Variants in KIF11 observed in about 807,000 individuals in gnomAD.
The protein encoded by KIF11 is kinesin-like protein KIF11.
Under a neutral mutation model 121.0 loss-of-function variants are expected in KIF11, and 9 were observed. That is an observed-to-expected ratio of 0.07 (90% CI 0.04 to 0.13). KIF11 has a LOEUF of 0.13. Ranked by LOEUF, KIF11 falls within the 10% of genes least tolerant of loss-of-function variation. The pLI, the probability that KIF11 is intolerant of heterozygous loss-of-function variation, is 1.00. For synonymous variants in KIF11, 408 were observed against 421.0 expected (o/e 0.97, Z 0.38); for missense variants, 846 against 1,217.5 (o/e 0.69, Z 4.54).
intron 14 of KIF11, among the ~76,000 whole-genome samples, chr10:92,634,282 C>T (rs1166593878): frequency 6.6e-6 from 1 of 150,970 alleles, no homozygotes. Context: ...CGTGCCCAGC[C>T]AGCCTCTCCT....
At chr10:92,650,053 G>A in intron 20 of KIF11, 67 bp downstream of exon 20, 1 of 1,244,660 alleles carries the variant, frequency 8.0e-7, no homozygotes, top group Non-Finnish European at 1.1e-6. Flanking sequence ...CTGACTTCAT[G>A]TGAAGAATTT....
At chr10:92,620,713 T>G (rs1319258043) in intron 9 of KIF11, among the ~76,000 whole-genome samples, 6 of 152,178 alleles carry the variant, frequency 3.9e-5, no homozygotes, top group African/African-American at 1.4e-4. Flanking sequence ...GACGAGCAAG[T>G]CACATCTTAC....
chr10:92,614,298 T>C (rs1311144731), intron 8 of KIF11, among the ~76,000 whole-genome samples: 2 of 152,068 alleles, frequency 1.3e-5, no homozygotes, highest in Non-Finnish European at 2.9e-5. Context: ...GGTTTCACCT[T>C]GTTGGCCAGG....
rs937813943 is a variant in KIF11 at position 92,595,610 on chromosome 10, T to G, written c.77+2158T>G. Among the ~76,000 whole-genome samples, 4 of 152,314 alleles carry G rather than the reference T, an allele frequency of 2.6e-5. No individual in the cohort carries two copies. The East Asian group carries it at 5.8e-4, about 22-fold the overall frequency. ...ATAAAATTTAACATCTTAACCACTT[T>G]TAAGTGTACAGTTCAGTGATATTAA... On this transcript the variant is annotated intron_variant, in intron 1 of 21. Transcript: ENST00000260731.
chr10:92,651,511 T>TTTTG (rs1564719267), intron 21 of KIF11, among the ~76,000 whole-genome samples: 1 of 39,322 alleles, frequency 2.5e-5, no homozygotes, highest in Non-Finnish European at 4.4e-5. Context: ...AATTTTGTTT[T>TTTTG]TTTTTTTTTT....
At chr10:92,616,665 A>G in intron 8 of KIF11, 72 bp from the exon 9 acceptor site, 1 of 754,370 alleles carries the variant, frequency 1.3e-6, no homozygotes, top group Admixed American at 2.4e-5. Context: ...TTATTATATA[A>G]CATATTTTAG....
intron 9 of KIF11, 85 bp from the exon 10 acceptor site, chr10:92,621,300 A>G: frequency 1.4e-6 from 1 of 702,718 alleles, no homozygotes; most frequent in Non-Finnish European, 2.4e-6. Context: ...AAAAAGGCTA[A>G]CTTTACATTT....
intron 17 of KIF11, among the ~76,000 whole-genome samples, chr10:92,642,536 A>G (rs995789385): frequency 1.3e-5 from 2 of 152,194 alleles, no homozygotes; most frequent in African/African-American, 4.8e-5. Context: ...TCTATCAGTG[A>G]CTTAGAGAGG....
intron 1 of KIF11, 105 bp downstream of exon 1, chr10:92,593,557 A>T: frequency 2.1e-6 from 2 of 950,876 alleles, no homozygotes; most frequent in South Asian, 3.3e-5. Flanking sequence ...TGAGGGTCCC[A>T]GTTTCTTGGT....
intron 4 of KIF11, 37 bp from the exon 5 acceptor site, chr10:92,608,983 C>T: frequency 1.7e-6 from 2 of 1,185,770 alleles, no homozygotes; most frequent in Non-Finnish European, 2.3e-6. Flanking sequence ...CAGTAAATGG[C>T]ATTCTTCCTT....
At chr10:92,628,696 G>T in intron 10 of KIF11, 112 bp from the exon 11 acceptor site, 1 of 552,680 alleles carries the variant, frequency 1.8e-6, no homozygotes, top group South Asian at 2.7e-5. Context: ...TCAAGTGATG[G>T]TGATAAATGT....
chr10:92,594,171 CTGAG>C (rs1376270679), intron 1 of KIF11, among the ~76,000 whole-genome samples: 1 of 152,210 alleles, frequency 6.6e-6, no homozygotes, highest in African/African-American at 2.4e-5. Flanking sequence ...CCACAGTTTA[CTGAG>C]TATGTGTGTT....
At chr10:92,601,094 G>A (rs563478831) in intron 1 of KIF11, among the ~76,000 whole-genome samples, 12 of 152,276 alleles carry the variant, frequency 7.9e-5, no homozygotes, top group African/African-American at 2.6e-4. Context: ...TCCTGACCTC[G>A]TGATCCATCC....
In KIF11 at chr10:92,593,344, G is replaced by A. The variant is rs1281343041; in HGVS notation, c.-32G>A. On this transcript the variant is annotated 5_prime_UTR_variant, in exon 1 of 22. Coordinates refer to ENST00000260731, the MANE Select transcript of KIF11 (RefSeq NM_004523.4). ...CGCCCCTCACAGCGCCCAGGTCCGC[G>A]GCCGGGCCTTGATTTTTTGGCGGGG... 1 of 1,588,914 alleles carries A rather than the reference G, an allele frequency of 6.3e-7. No individual in the cohort carries two copies.
chr10:92,601,855 A>G (rs1448295328), intron 1 of KIF11, among the ~76,000 whole-genome samples: 2 of 151,818 alleles, frequency 1.3e-5, no homozygotes, highest in Non-Finnish European at 2.9e-5. Context: ...TCTTGTTTTT[A>G]GAGGAACATT....
Position 92,593,399 on chromosome 10 carries a change from T to C in KIF11, c.24T>C (p.Ser8=), listed in dbSNP as rs1213893848. The C allele has an allele frequency of 2.5e-6, 4 of 1,610,684 alleles. No homozygotes were observed. Among genetic ancestry groups the C allele is most frequent in the Non-Finnish European group, 2.5e-6 (3 of 1,178,848 alleles). Residue 8 remains serine, a synonymous_variant, in exon 1 of 22, where the codon TCT becomes TCC. Coordinates refer to ENST00000260731, the MANE Select transcript of KIF11 (RefSeq NM_004523.4). MASQPNS[S]AKKKEEKGKN... is the part of the protein sequence containing the mutation. Reference sequence around the variant, plus strand: ...TCATGGCGTCGCAGCCAAATTCGTCTGCGAAGAAGAAAGAGGAGAAGGGGA... The same window carrying C: ...TCATGGCGTCGCAGCCAAATTCGTCCGCGAAGAAGAAAGAGGAGAAGGGGA...
chr10:92,631,113 C>T (rs1277745188), intron 12 of KIF11, among the ~76,000 whole-genome samples: 1 of 150,008 alleles, frequency 6.7e-6, no homozygotes, highest in African/African-American at 2.5e-5. Context: ...TGGTAAAACC[C>T]CATCTCTACT....
intron 9 of KIF11, among the ~76,000 whole-genome samples, chr10:92,618,247 C>G (rs1409167676): frequency 6.6e-6 from 1 of 150,468 alleles, no homozygotes; most frequent in Non-Finnish European, 1.5e-5. Context: ...TATTTCCTCC[C>G]AGTCTGGCTT....
intron 14 of KIF11, among the ~76,000 whole-genome samples, chr10:92,636,503 C>T (rs1844798540): frequency 6.6e-6 from 1 of 151,788 alleles, no homozygotes; most frequent in African/African-American, 2.4e-5. Context: ...GTAATCCCAG[C>T]TACTTGGGAG....
Sources: allele counts gnomAD v4.1 joint callset (sites outside exome capture counted in the v4.1 genomes callset), GRCh38; gene constraint gnomAD v4.1.1; transcripts MANE v1.5; gene names NCBI Gene and HGNC (gene_info 2026-07-23, HGNC 2026-07-21).